The following CNTN6 variants were observed in gnomAD, a reference collection of about 807,000 sequenced individuals.
CNTN6 encodes the protein contactin-6.
In CNTN6, 137 loss-of-function variants were observed where a neutral mutation model predicts 122.8. The observed-to-expected ratio is 1.12, with a 90% confidence interval of 0.97 to 1.29. The LOEUF (loss-of-function observed/expected upper bound fraction) is 1.29. CNTN6 is among the 50% of genes most tolerant of loss of function. The probability of loss-of-function intolerance (pLI) is 0.00; values close to 1 mark genes in which losing one functional copy is unlikely to be tolerated. For missense variants in CNTN6, 1,634 were observed against 1,223.4 expected (o/e 1.34, Z -5.01); for synonymous variants, 570 against 426.0 (o/e 1.34, Z -4.16).
At chr3:1,142,158 A>G (rs2092622559) in intron 1 of CNTN6, among the ~76,000 whole-genome samples, 1 of 151,682 alleles carries the variant, frequency 6.6e-6, no homozygotes, top group Non-Finnish European at 1.5e-5. Context: ...ACATTTATAG[A>G]CTGACGAATA....
At chr3:1,159,446 T>A (rs776987831) in intron 2 of CNTN6, among the ~76,000 whole-genome samples, 15 of 152,140 alleles carry the variant, frequency 9.9e-5, no homozygotes, top group Non-Finnish European at 2.2e-4. Flanking sequence ...TTAAAACTTA[T>A]GACTTGTTTA....
rs529656283 is a variant in CNTN6, at chr3:1,252,236, A to G, written c.358+24243A>G. Among the ~76,000 whole-genome samples, 3 of 152,254 alleles carry G rather than the reference A, an allele frequency of 2.0e-5. No individual in the cohort carries two copies. The South Asian group carries it at 6.2e-4, about 32-fold the overall frequency. Reference sequence around the variant, plus strand: ...CTCTGTTGAAATTATCTCTTCCTACATCCAACTGTGGGAAGAACAGCCTTT... The same window carrying G: ...CTCTGTTGAAATTATCTCTTCCTACGTCCAACTGTGGGAAGAACAGCCTTT... On this transcript the variant is annotated intron_variant, in intron 4 of 22. Coordinates refer to ENST00000446702, the MANE Select transcript of CNTN6 (RefSeq NM_001289080.2).
intron 6 of CNTN6, 62 bp from the exon 7 acceptor site, chr3:1,297,827 A>T: frequency 7.6e-7 from 1 of 1,322,890 alleles, no homozygotes; most frequent in East Asian, 2.3e-5. Flanking sequence ...TTAATGAAGC[A>T]TTTACTTCAT....
chr3:1,400,079 A>G (rs1695494717), intron 20 of CNTN6, among the ~76,000 whole-genome samples: 1 of 152,116 alleles, frequency 6.6e-6, no homozygotes, highest in Non-Finnish European at 1.5e-5. Flanking sequence ...GAGATTAAAC[A>G]GCAGTTGACT....
chr3:1,329,925 C>G lies in CNTN6; in HGVS notation c.1354C>G (p.Gln452Glu), dbSNP rs758975555. ...GAAAAGAGGAACGGAGACCCTTAGA[C>G]AAAGCAAAAGGTAAACAAATCTTTA... is the stretch of plus-strand genomic sequence containing the variant. ...SWKRGTETLRQSKRIFLLEDG... is the reference protein window; with the variant it reads ...SWKRGTETLRESKRIFLLEDG... Residue 452 changes from glutamine (Q) to glutamate (E), a missense_variant, in exon 11 of 23, where the codon CAA becomes GAA. By Grantham distance (29) the Gln-to-Glu change is conservative. Coordinates refer to ENST00000446702, the MANE Select transcript of CNTN6 (RefSeq NM_001289080.2). 6 of 1,568,520 alleles carry G rather than the reference C, an allele frequency of 3.8e-6. No homozygotes were observed. In the African/African-American group the frequency reaches 6.9e-5, roughly 18 times the overall value.
At chr3:1,151,926 A>G (rs961982215) in intron 2 of CNTN6, among the ~76,000 whole-genome samples, 27 of 152,202 alleles carry the variant, frequency 1.8e-4, no homozygotes, top group African/African-American at 6.5e-4. Context: ...CAAGAGGTTT[A>G]ATATAGACTA....
At chr3:1,210,219 A>C (rs1399814008) in intron 2 of CNTN6, among the ~76,000 whole-genome samples, 1 of 152,000 alleles carries the variant, frequency 6.6e-6, no homozygotes, top group Admixed American at 6.6e-5. Context: ...AGGACACTTG[A>C]CCTCTCTAGA....
At chr3:1,160,815 TAGC>T (rs1242601155) in intron 2 of CNTN6, among the ~76,000 whole-genome samples, 7 of 152,156 alleles carry the variant, frequency 4.6e-5, no homozygotes, top group Admixed American at 4.6e-4. Context: ...AGCTGACTCG[TAGC>T]AGCTCATGAA....
At position 1,204,734 on chromosome 3, in the gene CNTN6, G is replaced by A. The variant is rs533259413; in HGVS notation, c.56-15953G>A. ...GGACTTTCTGATGATCAACATTAGTGCCTTATTGCTGTTGCTCTTGTTTTT... is the reference window on the plus strand; with the variant it reads ...GGACTTTCTGATGATCAACATTAGTACCTTATTGCTGTTGCTCTTGTTTTT... On this transcript the variant is annotated intron_variant, in intron 2 of 22. Transcript: ENST00000446702. Among the ~76,000 whole-genome samples, 4 of 152,198 alleles carry A rather than the reference G, an allele frequency of 2.6e-5. No individual in the cohort carries two copies. In the South Asian group the frequency reaches 8.3e-4, roughly 32 times the overall value.
chr3:1,144,098 A>G (rs1207561436), intron 1 of CNTN6, among the ~76,000 whole-genome samples: 2 of 152,204 alleles, frequency 1.3e-5, no homozygotes, highest in African/African-American at 2.4e-5. Context: ...CTGAATAGCT[A>G]TGAGCTCTGC....
chr3:1,318,130 G>T (rs1045384202), intron 7 of CNTN6, among the ~76,000 whole-genome samples: 2 of 150,346 alleles, frequency 1.3e-5, no homozygotes, highest in Non-Finnish European at 3.0e-5. Context: ...GAGAGAGAAA[G>T]AAAGAAAAAG....
chr3:1,302,505 G>C (rs1489069323), intron 7 of CNTN6, among the ~76,000 whole-genome samples: 1 of 152,080 alleles, frequency 6.6e-6, no homozygotes, highest in Non-Finnish European at 1.5e-5. Flanking sequence ...AGAGAAGAGG[G>C]AGGAAGGAAA....
intron 19 of CNTN6, 97 bp from the exon 20 acceptor site, chr3:1,385,514 C>A: frequency 2.2e-6 from 2 of 915,624 alleles, no homozygotes; most frequent in East Asian, 2.7e-5. Context: ...TGTCTTCTTC[C>A]CATATTCCTT....
chr3:1,135,535 G>A (rs541506991), intron 1 of CNTN6, among the ~76,000 whole-genome samples: 2 of 152,242 alleles, frequency 1.3e-5, no homozygotes, highest in African/African-American at 4.8e-5. Flanking sequence ...TCTTTCTCAG[G>A]AGAGAGCTCA....
At chr3:1,220,841 T>C in intron 3 of CNTN6, 28 bp downstream of exon 3, 1 of 1,569,840 alleles carries the variant, frequency 6.4e-7, no homozygotes, top group Non-Finnish European at 8.6e-7. Flanking sequence ...GGCACCACAC[T>C]ATTTTGTTCT....
At chr3:1,151,431 T>C (rs1411404630) in intron 2 of CNTN6, among the ~76,000 whole-genome samples, 2 of 151,562 alleles carry the variant, frequency 1.3e-5, no homozygotes, top group Non-Finnish European at 2.9e-5. Flanking sequence ...TTTCTAGAAA[T>C]AGAATTGTAA....
At chr3:1,218,445 C>T (rs2094158805) in intron 2 of CNTN6, among the ~76,000 whole-genome samples, 1 of 151,882 alleles carries the variant, frequency 6.6e-6, no homozygotes, top group African/African-American at 2.4e-5. Flanking sequence ...GGAGGCAGAC[C>T]CTAAACAGGG....
intron 1 of CNTN6, among the ~76,000 whole-genome samples, chr3:1,125,348 A>G (rs2092122588): frequency 6.6e-6 from 1 of 151,912 alleles, no homozygotes; most frequent in Non-Finnish European, 1.5e-5. Flanking sequence ...ATTATCAGAT[A>G]CATAAGCAAA....
At chr3:1,351,628 A>G (rs1575818904) in intron 11 of CNTN6, among the ~76,000 whole-genome samples, 1 of 150,128 alleles carries the variant, frequency 6.7e-6, no homozygotes, top group Non-Finnish European at 1.5e-5. Context: ...TTTAATATGG[A>G]TTATTTTATG....
Sources: gnomAD v4.1 joint callset for allele counts (sites outside exome capture counted in the v4.1 genomes callset) on GRCh38, gnomAD v4.1.1 for gene constraint, MANE v1.5 for transcripts, NCBI Gene and HGNC (gene_info 2026-07-23, HGNC 2026-07-21) for gene names.